ZDHHC15: variants seen among roughly 807,000 people sequenced by gnomAD.
ZDHHC15 encodes palmitoyltransferase ZDHHC15.
In ZDHHC15, 19 loss-of-function variants were observed where a neutral mutation model predicts 31.7. The observed-to-expected ratio is 0.60, with a 90% CI of 0.42 to 0.88. ZDHHC15 has a LOEUF of 0.88. Among genes scored for constraint, ZDHHC15 ranks in the 40% least tolerant of loss-of-function variants. ZDHHC15 has a pLI of 0.00. For synonymous variants in ZDHHC15, 103 were observed against 90.0 expected (o/e 1.14, Z -0.82); for missense variants, 209 against 251.2 (o/e 0.83, Z 1.14).
intron 1 of ZDHHC15, among the ~76,000 whole-genome samples, chrX:75,522,252 G>T (rs1469328433): frequency 8.9e-6 from 1 of 111,877 alleles, no homozygotes; most frequent in East Asian, 2.8e-4. Flanking sequence ...TGTGAAAACG[G>T]AAGATCTTAA....
intron 3 of ZDHHC15, among the ~76,000 whole-genome samples, chrX:75,478,456 C>T (rs2084639414): frequency 9.0e-6 from 1 of 111,286 alleles, no homozygotes; most frequent in African/African-American, 3.3e-5. Context: ...CATCACAGGT[C>T]ACCGCAGCCT....
intron 10 of ZDHHC15, among the ~76,000 whole-genome samples, chrX:75,399,057 C>T (rs963022044): frequency 1.8e-5 from 2 of 111,804 alleles, no homozygotes; most frequent in Non-Finnish European, 3.8e-5. Context: ...ACTGGTGACA[C>T]CTCCAGGTTG....
intron 3 of ZDHHC15, among the ~76,000 whole-genome samples, chrX:75,473,732 C>A: frequency 9.0e-6 from 1 of 111,717 alleles, no homozygotes; most frequent in Non-Finnish European, 1.9e-5. Flanking sequence ...GTTGCAGAAA[C>A]AAGAACTATA....
chrX:75,382,772 T>C (rs2083129391), intron 10 of ZDHHC15, among the ~76,000 whole-genome samples: 1 of 112,217 alleles, frequency 8.9e-6, no homozygotes, highest in Non-Finnish European at 1.9e-5. Context: ...CTTGGAGCCA[T>C]TTGGTGAAAG....
chrX:75,375,113 A>T (rs773792272), intron 11 of ZDHHC15, among the ~76,000 whole-genome samples: 2 of 111,837 alleles, frequency 1.8e-5, no homozygotes, highest in Non-Finnish European at 3.8e-5. Context: ...GAATTAAAAA[A>T]GTATGAGATT....
Position 75,523,010 on chromosome X carries a change from C to G in ZDHHC15, c.15G>C (p.Trp5Cys), listed in dbSNP as rs376780397. ...GCAGCCCCCCAGACAGAGCCATCTT[C>G]CAGCCTCGCCGCATCTTTGGCTCGA... is the stretch of plus-strand genomic sequence containing the variant. MRRG[W>C]KMALSGGLRC... The change falls in exon 1 of 12, where the codon TGG (tryptophan) becomes TGC (cysteine). Residue 5 changes from tryptophan (W) to cysteine (C), a missense_variant. Trp to Cys is a radical substitution (Grantham distance 215, BLOSUM62 -2). Coordinates refer to ENST00000373367, the MANE Select transcript of ZDHHC15 (RefSeq NM_144969.3). 3.3e-6 allele frequency: 4 copies of G among 1,206,928 alleles called. No homozygotes were observed. The African/African-American group carries it at 5.2e-5, about 16-fold the overall frequency.
chrX:75,492,197 A>G (rs144202251), intron 2 of ZDHHC15, among the ~76,000 whole-genome samples: 1,520 of 111,725 alleles, frequency 0.014, 15 homozygotes, highest in Non-Finnish European at 0.02. Flanking sequence ...ACATTAGATA[A>G]TGGTAAAGGG....
At chrX:75,438,578 G>T (rs1219152697) in intron 4 of ZDHHC15, among the ~76,000 whole-genome samples, 2 of 111,562 alleles carry the variant, frequency 1.8e-5, no homozygotes, top group Non-Finnish European at 3.8e-5. Context: ...GTTGAAGACA[G>T]CAGATACTTG....
rs149342260 is a variant in ZDHHC15, at chrX:75,399,433, T to C, written c.967+17654A>G. ...AGGCCAGTCCATCTCCCACAGGTCC[T>C]AAACACCACCCATGGCTCATCACCA... On this transcript the variant is annotated intron_variant, in intron 10 of 11. Transcript: ENST00000373367. Among the ~76,000 whole-genome samples the C allele has an allele frequency of 6.7e-4, 75 of 112,168 alleles. No individual in the cohort carries two copies. The East Asian group carries it at 0.019, about 28-fold the overall frequency.
intron 2 of ZDHHC15, among the ~76,000 whole-genome samples, chrX:75,494,867 G>A (rs1042108303): frequency 1.8e-5 from 2 of 111,795 alleles, no homozygotes; most frequent in African/African-American, 3.3e-5. Context: ...CAGGACATAG[G>A]CATGGGCAAG....
chrX:75,465,689 C>T (rs377298010), intron 3 of ZDHHC15, among the ~76,000 whole-genome samples: 2 of 111,378 alleles, frequency 1.8e-5, no homozygotes, highest in African/African-American at 6.5e-5. Flanking sequence ...CAAAAACTAG[C>T]AATGGGGAAA....
chrX:75,487,863 C>T (rs2084803159), intron 2 of ZDHHC15, among the ~76,000 whole-genome samples: 1 of 111,813 alleles, frequency 8.9e-6, no homozygotes, highest in African/African-American at 3.2e-5. Flanking sequence ...GAAAGACATA[C>T]TTAAAGAATT....
chrX:75,470,447 C>G (rs1203537622), intron 3 of ZDHHC15, among the ~76,000 whole-genome samples: 1 of 110,982 alleles, frequency 9.0e-6, no homozygotes, highest in Non-Finnish European at 1.9e-5. Context: ...TACATAATAC[C>G]TTTGACCATA....
chrX:75,392,383 C>A (rs1440443824), intron 10 of ZDHHC15, among the ~76,000 whole-genome samples: 2 of 111,878 alleles, frequency 1.8e-5, no homozygotes, highest in Non-Finnish European at 3.8e-5. Flanking sequence ...AAGGGTGGGC[C>A]TGCCTTTCCC....
chrX:75,467,530 A>C (rs2084426135), intron 3 of ZDHHC15, among the ~76,000 whole-genome samples: 1 of 112,362 alleles, frequency 8.9e-6, no homozygotes, highest in Non-Finnish European at 1.9e-5. Flanking sequence ...TAAAGAATGT[A>C]ATACTGTGGC....
chrX:75,462,097 A>G (rs2084325638), intron 3 of ZDHHC15, among the ~76,000 whole-genome samples: 1 of 111,917 alleles, frequency 8.9e-6, no homozygotes, highest in Admixed American at 9.5e-5. Flanking sequence ...TTATCAAACA[A>G]ATGAAAAACA....
rs758703642 is a variant in ZDHHC15 at position 75,370,448 on chromosome X, T to A, written c.*2530A>T. 4.6e-4 allele frequency: 51 copies of A among 110,887 alleles called. No individual in the cohort carries two copies. Among genetic ancestry groups the A allele is most frequent in the African/African-American group, 1.7e-3 (51 of 30,378 alleles). 9.1% of individuals were successfully genotyped at this position (110,887 alleles called of 1,213,427 possible). ...GATATTATCAGAGTCTATAAACCAA[T>A]GAGACCAAAATGCTAAGATAGGAAT... On this transcript the variant is annotated 3_prime_UTR_variant, in exon 12 of 12. Coordinates refer to ENST00000373367, the MANE Select transcript of ZDHHC15 (RefSeq NM_144969.3).
At chrX:75,386,484 AT>A (rs888619150) in intron 10 of ZDHHC15, among the ~76,000 whole-genome samples, 6 of 110,687 alleles carry the variant, frequency 5.4e-5, no homozygotes, top group East Asian at 5.7e-4. Flanking sequence ...TTATTGCTAG[AT>A]TTTTTTTTGA....
At chrX:75,451,967 C>T (rs1195374502) in intron 3 of ZDHHC15, among the ~76,000 whole-genome samples, 1 of 111,273 alleles carries the variant, frequency 9.0e-6, no homozygotes, top group Non-Finnish European at 1.9e-5. Context: ...GAAGAAACTG[C>T]ATCAATTAAT....
Sources: allele counts gnomAD v4.1 joint callset (sites outside exome capture counted in the v4.1 genomes callset), GRCh38; gene constraint gnomAD v4.1.1; transcripts MANE v1.5; gene names NCBI Gene and HGNC (gene_info 2026-07-23, HGNC 2026-07-21).